The following TFAP2A variants were observed in gnomAD, a reference collection of about 807,000 sequenced individuals.
TFAP2A encodes transcription factor AP-2-alpha.
A neutral mutation model predicts 41.5 loss-of-function variants in TFAP2A; 7 were observed. The observed-to-expected ratio is 0.17, with a 90% CI of 0.10 to 0.32. The LOEUF is 0.32. TFAP2A is among the 10% of genes least tolerant of loss of function. TFAP2A has a pLI of 1.00. For missense variants in TFAP2A, 416 were observed against 563.3 expected (o/e 0.74, Z 2.65); for synonymous variants, 247 against 242.8 (o/e 1.02, Z -0.16).
At chr6:10,407,518 T>TA (rs778153969) in intron 2 of TFAP2A, 3 of 150,790 alleles carry the variant, frequency 2.0e-5, no homozygotes, top group African/African-American at 7.3e-5. Flanking sequence ...TTTTTTTTTT[T>TA]ACAGATGGAT....
chr6:10,419,348 C>T, upstream of TFAP2A: 1 of 1,569,908 alleles, frequency 6.4e-7, no homozygotes, highest in Non-Finnish European at 8.8e-7. Flanking sequence ...CTCTCCTCCT[C>T]CCCGCTCCGG....
chr6:10,404,923 T>G, intron 3 of TFAP2A, 184 bp from the exon 4 acceptor site: 60 of 593,156 alleles, frequency 1.0e-4, no homozygotes, highest in East Asian at 1.5e-4. Context: ...AGCCCTTCCC[T>G]ACCTCACCCG....
chr6:10,398,015 C>CT lies in TFAP2A; in HGVS notation c.*401dup, dbSNP rs1022531195. The stretch of plus-strand genomic sequence containing the variant: ...GCGCATATAATTTTTTTTATTTTCA[C>CT]TTTTTTTTTAGAAAAAAGTTTTTAA... On this transcript the variant is annotated 3_prime_UTR_variant, in exon 7 of 7. Coordinates refer to ENST00000379613, the MANE Select transcript of TFAP2A (RefSeq NM_001372066.1). This position sits in a 1 kb window ranked among gnomAD's most constrained non-coding sequence, Gnocchi z 5.3. The CT allele has an allele frequency of 1.0e-4, 105 of 1,052,838 alleles. No individual in the cohort carries two copies. Among genetic ancestry groups the CT allele is most frequent in the South Asian group, 2.9e-4 (9 of 31,002 alleles). 65.2% of individuals were successfully genotyped at this position (1,052,838 alleles called of 1,614,324 possible). A position where few individuals can be genotyped will look rare whatever the true frequency, so the allele number is the denominator to read the frequency against.
chr6:10,406,686 G>T, intron 3 of TFAP2A, 107 bp downstream of exon 3: 1 of 978,052 alleles, frequency 1.0e-6, no homozygotes. Context: ...CTAATTCTGA[G>T]CCTTTAGGAA....
chr6:10,411,506 CG>C, intron 1 of TFAP2A: 2 of 1,612,506 alleles, frequency 1.2e-6, no homozygotes, highest in Non-Finnish European at 1.7e-6. Flanking sequence ...GGCAGCTCCA[CG>C]GCACCAGGTT....
intron 3 of TFAP2A, 87 bp from the exon 4 acceptor site, chr6:10,404,826 C>T (rs1234963099): frequency 9.5e-6 from 12 of 1,267,444 alleles, no homozygotes; most frequent in Admixed American, 1.8e-5. Flanking sequence ...CCGGCCAGGG[C>T]CGGATCCCAG....
intron 1 of TFAP2A, among the ~76,000 whole-genome samples, chr6:10,414,232 A>C (rs951684581): frequency 5.9e-5 from 9 of 151,576 alleles, no homozygotes; most frequent in African/African-American, 2.2e-4. Flanking sequence ...ACATCTCCCC[A>C]CCCCACCCCC....
intron 1 of TFAP2A, chr6:10,411,823 C>G (rs552216962): frequency 1.4e-6 from 2 of 1,427,702 alleles, no homozygotes; most frequent in Admixed American, 5.9e-5. Flanking sequence ...GTCGAACCCA[C>G]GGTCTCTATC....
At chr6:10,414,842 C>T in intron 1 of TFAP2A, 99 bp downstream of exon 1, 1 of 1,533,160 alleles carries the variant, frequency 6.5e-7, no homozygotes, top group Non-Finnish European at 9.0e-7. Context: ...GTTTGTCCCA[C>T]CCGCGTTTCG....
upstream of TFAP2A, chr6:10,415,241 C>T: frequency 2.8e-6 from 4 of 1,449,482 alleles, no homozygotes; most frequent in Non-Finnish European, 1.8e-6. Context: ...CTCCCGTGTG[C>T]GCTCGGAGAT....
intron 1 of TFAP2A, chr6:10,411,747 G>T (rs918510880): frequency 5.3e-6 from 8 of 1,497,496 alleles, no homozygotes; most frequent in Non-Finnish European, 6.2e-6. Context: ...ACGCTCCCCG[G>T]AGCGCGGGAG....
intron 2 of TFAP2A, 29 bp from the exon 3 acceptor site, chr6:10,406,873 A>T: frequency 6.4e-7 from 1 of 1,562,512 alleles, no homozygotes; most frequent in Non-Finnish European, 8.8e-7. Context: ...CATGGATGTA[A>T]GTGTATCATC....
At chr6:10,406,523 G>C (rs945633803) in intron 3 of TFAP2A, 1 of 517,646 alleles carries the variant, frequency 1.9e-6, no homozygotes, top group African/African-American at 1.9e-5. Flanking sequence ...TTCCAAATCA[G>C]TTCAACTACT....
upstream of TFAP2A, among the ~76,000 whole-genome samples, chr6:10,419,061 C>T (rs1256808057): frequency 6.6e-6 from 1 of 152,178 alleles, no homozygotes; most frequent in African/African-American, 2.4e-5. Flanking sequence ...TCTCCCTCCC[C>T]CCTTCCGAAT....
chr6:10,410,035 G>A lies in TFAP2A; in HGVS notation c.352C>T (p.His118Tyr). Residue 118 changes from histidine (H) to tyrosine (Y), a missense_variant, in exon 2 of 7, where the codon CAC becomes TAC. Transcript: ENST00000379613. ...CGAGGATCCAGGCCCGACAGCTGGT[G>A]AGGCAGCCCCCGGTGCGTGTGCAGG... ...GLLHTHRGLP[H>Y]QLSGLDPRRD... 6.2e-7 allele frequency: 1 copy of A among 1,612,894 alleles called. No homozygotes were observed. Among genetic ancestry groups the A allele is most frequent in the Non-Finnish European group, 8.5e-7 (1 of 1,179,774 alleles).
chr6:10,404,480 G>T, intron 4 of TFAP2A, 28 bp downstream of exon 4: 1 of 1,476,852 alleles, frequency 6.8e-7, no homozygotes, highest in South Asian at 1.3e-5. Context: ...CCGCGGGGCG[G>T]GGCGGGCGGG....
upstream of TFAP2A, chr6:10,419,354 T>C: frequency 6.6e-7 from 1 of 1,523,728 alleles, no homozygotes; most frequent in Non-Finnish European, 9.1e-7. Context: ...TCCTCCCCGC[T>C]CCGGCCCCCT....
intron 3 of TFAP2A, chr6:10,406,467 A>G: frequency 2.5e-6 from 1 of 395,846 alleles, no homozygotes; most frequent in Non-Finnish European, 4.7e-6. Context: ...ACCTTCATCC[A>G]GGCAATGGAT....
intron 3 of TFAP2A, 137 bp downstream of exon 3, chr6:10,406,656 G>A: frequency 1.3e-6 from 1 of 770,542 alleles, no homozygotes; most frequent in East Asian, 2.6e-5. Flanking sequence ...AAGCATTGCT[G>A]TTCTGTGCCT....
Sources: gnomAD v4.1 joint callset for allele counts (sites outside exome capture counted in the v4.1 genomes callset) on GRCh38, gnomAD v4.1.1 for gene constraint, Gnocchi (gnomAD v3.1) non-coding constraint, MANE v1.5 for transcripts, NCBI Gene and HGNC (gene_info 2026-07-23, HGNC 2026-07-21) for gene names.